Variants in APP observed in about 807,000 individuals in gnomAD.
APP encodes the protein amyloid beta precursor protein.
In APP, 31 loss-of-function variants were observed where a neutral mutation model predicts 101.4. The observed-to-expected ratio is 0.31, with a 90% CI of 0.23 to 0.41. The LOEUF is 0.41. Ranked by LOEUF, APP falls within the 10% of genes least tolerant of loss-of-function variation. The pLI, the probability that APP is intolerant of heterozygous loss-of-function variation, is 1.00. For synonymous variants in APP, 366 were observed against 364.4 expected, an observed-to-expected ratio of 1.00 and a Z score of -0.05; for missense variants, 839 against 1,003.7, an observed-to-expected ratio of 0.84 and a Z score of 2.22.
intron 1 of APP, among the ~76,000 whole-genome samples, chr21:26,125,766 G>A (rs2062670241): frequency 6.6e-6 from 1 of 152,166 alleles, no homozygotes; most frequent in Non-Finnish European, 1.5e-5. Context: ...CACATCAGGA[G>A]TTCTAAGAGT....
chr21:26,004,907 G>GT (rs1296322047), intron 6 of APP, among the ~76,000 whole-genome samples: 5 of 150,418 alleles, frequency 3.3e-5, no homozygotes, highest in Non-Finnish European at 7.4e-5. Context: ...GCAGAGTTTG[G>GT]TTTTCTGTCC....
intron 11 of APP, among the ~76,000 whole-genome samples, chr21:25,959,973 C>T (rs2041505998): frequency 6.6e-6 from 1 of 152,120 alleles, no homozygotes; most frequent in Non-Finnish European, 1.5e-5. Flanking sequence ...TAATAATGTT[C>T]CCGGACTGAA....
chr21:26,072,786 G>C (rs1373580502), intron 3 of APP, among the ~76,000 whole-genome samples: 14 of 151,962 alleles, frequency 9.2e-5, no homozygotes. Flanking sequence ...TAAAATCAAG[G>C]GTCTAGGAGA....
chr21:26,036,343 G>A (rs528122199), intron 5 of APP, among the ~76,000 whole-genome samples: 45 of 152,206 alleles, frequency 3.0e-4, no homozygotes, highest in African/African-American at 1.1e-3. Flanking sequence ...AAGACAGGCT[G>A]GAAATGACAG....
intron 6 of APP, among the ~76,000 whole-genome samples, chr21:26,004,904 T>C (rs1009714835): frequency 1.3e-5 from 2 of 150,982 alleles, no homozygotes; most frequent in Admixed American, 6.6e-5. Context: ...CATGCAGAGT[T>C]TGGTTTTCTG....
At chr21:26,153,548 C>T (rs1458386942) in intron 1 of APP, among the ~76,000 whole-genome samples, 1 of 152,064 alleles carries the variant, frequency 6.6e-6, no homozygotes, top group African/African-American at 2.4e-5. Context: ...TGAGCTCAAG[C>T]AATCCTCTGA....
chr21:26,058,197 A>G (rs2046118013), intron 3 of APP, among the ~76,000 whole-genome samples: 1 of 152,218 alleles, frequency 6.6e-6, no homozygotes, highest in African/African-American at 2.4e-5. Flanking sequence ...TTCCAGACAG[A>G]AGGCAGGAGA....
chr21:26,111,087 T>TAAAAAAAAAAA (rs576900084), intron 2 of APP, among the ~76,000 whole-genome samples: 2 of 88,478 alleles, frequency 2.3e-5, no homozygotes, highest in Admixed American at 1.2e-4. Context: ...AAAGTTAAGT[T>TAAAAAAAAAAA]AAAAAAAAAA....
At chr21:25,905,658 T>C (rs2038750943) in intron 14 of APP, among the ~76,000 whole-genome samples, 2 of 152,350 alleles carry the variant, frequency 1.3e-5, no homozygotes, top group African/African-American at 2.4e-5. Flanking sequence ...TTCTCACTTT[T>C]TCAAAAAGGC....
chr21:26,122,102 T>C (rs369300987), intron 1 of APP, among the ~76,000 whole-genome samples: 2 of 152,202 alleles, frequency 1.3e-5, no homozygotes, highest in Admixed American at 6.5e-5. Flanking sequence ...TATTCCTCTA[T>C]CCTTTGTCAG....
intron 6 of APP, among the ~76,000 whole-genome samples, chr21:26,013,907 G>A (rs995809506): frequency 1.3e-5 from 2 of 152,198 alleles, no homozygotes; most frequent in African/African-American, 2.4e-5. Flanking sequence ...CAAACACCTC[G>A]GAATCAATGG....
intron 8 of APP, among the ~76,000 whole-genome samples, chr21:25,994,823 A>G (rs1200501189): frequency 6.6e-6 from 1 of 152,246 alleles, no homozygotes; most frequent in African/African-American, 2.4e-5. Flanking sequence ...GACTTTTTCA[A>G]ATCAAATGTG....
At chr21:25,956,730 T>C (rs1329037798) in intron 11 of APP, among the ~76,000 whole-genome samples, 1 of 152,160 alleles carries the variant, frequency 6.6e-6, no homozygotes, top group Non-Finnish European at 1.5e-5. Flanking sequence ...TGTGTGGTGG[T>C]GGGGCGGGTG....
intron 1 of APP, among the ~76,000 whole-genome samples, chr21:26,136,184 A>AGGAAAG (rs376697460): frequency 1.3e-5 from 1 of 76,668 alleles, no homozygotes; most frequent in Non-Finnish European, 2.2e-5. Context: ...AAAGAAAGAA[A>AGGAAAG]GAAAGAAAGA....
chr21:26,107,840 CCTGTGTT>C (rs1433848012), intron 2 of APP, among the ~76,000 whole-genome samples: 1 of 152,040 alleles, frequency 6.6e-6, no homozygotes, highest in African/African-American at 2.4e-5. Context: ...AAGAACAGGC[CCTGTGTT>C]CTGTTCATCA....
intron 8 of APP, among the ~76,000 whole-genome samples, chr21:25,990,338 A>G (rs918776391): frequency 1.3e-5 from 2 of 152,236 alleles, no homozygotes; most frequent in Non-Finnish European, 2.9e-5. Flanking sequence ...TGAAGGAACG[A>G]ATGCTGGCAT....
chr21:25,958,468 G>A (rs962824459), intron 11 of APP, among the ~76,000 whole-genome samples: 32 of 152,028 alleles, frequency 2.1e-4, no homozygotes, highest in African/African-American at 6.5e-4. Context: ...TAGTAGAGAC[G>A]GGGTTTCGCC....
intron 6 of APP, among the ~76,000 whole-genome samples, chr21:26,015,748 A>G (rs2044026203): frequency 6.6e-6 from 1 of 152,196 alleles, no homozygotes; most frequent in Non-Finnish European, 1.5e-5. Context: ...TGTGAAATAG[A>G]AAGAACTTCA....
chr21:26,119,076 G>C (rs1417452899), intron 1 of APP, among the ~76,000 whole-genome samples: 1 of 152,042 alleles, frequency 6.6e-6, no homozygotes, highest in East Asian at 1.9e-4. Flanking sequence ...ACCAAGATAA[G>C]TCACTTCCAC....
Sources: allele counts gnomAD v4.1 joint callset (sites outside exome capture counted in the v4.1 genomes callset), GRCh38; gene constraint gnomAD v4.1.1; transcripts MANE v1.5; gene names NCBI Gene and HGNC (gene_info 2026-07-23, HGNC 2026-07-21).